The following TRIO variants were observed in gnomAD, a reference collection of about 807,000 sequenced individuals.
The protein encoded by TRIO is triple functional domain protein.
Under a neutral mutation model 351.9 loss-of-function variants are expected in TRIO, and 58 were observed. The observed-to-expected ratio is 0.16, with a 90% CI of 0.13 to 0.21. TRIO has a LOEUF of 0.21. TRIO is among the 10% of genes least tolerant of loss of function. TRIO has a pLI of 1.00. For synonymous variants in TRIO, 1,758 were observed against 1,595.7 expected (o/e 1.10, Z -2.42); for missense variants, 3,201 against 4,027.8 (o/e 0.79, Z 5.56).
At chr5:14,324,044 A>C (rs1740143234) in intron 9 of TRIO, among the ~76,000 whole-genome samples, 1 of 152,224 alleles carries the variant, frequency 6.6e-6, no homozygotes, top group Non-Finnish European at 1.5e-5. Flanking sequence ...TTGATAGTCC[A>C]GAAAGCTCAG....
At chr5:14,218,659 G>T (rs1398048519) in intron 1 of TRIO, among the ~76,000 whole-genome samples, 1 of 152,232 alleles carries the variant, frequency 6.6e-6, no homozygotes, top group African/African-American at 2.4e-5. Context: ...CAGAGCTGTG[G>T]CTTCTGTGGT....
chr5:14,502,711 T>C lies in TRIO; in HGVS notation c.8411+54T>C, dbSNP rs946261020. 1.4e-5 allele frequency: 21 copies of C among 1,534,586 alleles called. No individual in the cohort carries two copies. In the East Asian group the frequency reaches 4.7e-4, roughly 35 times the overall value. ...GAAAGAGCAGAGCGTGGGGAAGACA[T>C]ACCAGAGAGTGCAGGGATAAAGCTA... On this transcript the variant is annotated intron_variant, in intron 54 of 56. Transcript: ENST00000344204.
In TRIO at chr5:14,497,725, A is replaced by T; in HGVS notation, c.8020-122A>T. ...TGCAGTGAAAATGTGGTCTGTTTTG[A>T]TTGATGCCCAGGCAAGTCAGTTTCT... On this transcript the variant is annotated intron_variant, in intron 50 of 56. Coordinates refer to ENST00000344204, the MANE Select transcript of TRIO (RefSeq NM_007118.4). This position sits in a 1 kb window ranked among gnomAD's most constrained non-coding sequence, Gnocchi z 4.4. 1.5e-6 allele frequency: 2 copies of T among 1,305,878 alleles called. No individual in the cohort carries two copies. The highest frequency in any genetic ancestry group is 4.6e-5 in the East Asian group (2 of 43,422). 80.9% of individuals were successfully genotyped at this position (1,305,878 alleles called of 1,614,324 possible).
chr5:14,188,565 A>G (rs1239670181), intron 1 of TRIO, among the ~76,000 whole-genome samples: 4 of 152,202 alleles, frequency 2.6e-5, no homozygotes, highest in African/African-American at 4.8e-5. Context: ...TATACATACT[A>G]AAGTTATGCA....
chr5:14,452,981 T>C (rs371645696), intron 34 of TRIO, among the ~76,000 whole-genome samples: 9 of 152,318 alleles, frequency 5.9e-5, no homozygotes, highest in African/African-American at 2.2e-4. Context: ...GTCCTGGCAG[T>C]CCCCGTGTTT....
intron 1 of TRIO, among the ~76,000 whole-genome samples, chr5:14,196,422 C>CAAA (rs71597902): frequency 0.18 from 18,267 of 101,274 alleles, 2,012 homozygotes; most frequent in East Asian, 0.36. Flanking sequence ...GACTCCGTCT[C>CAAA]AAAAAAAAAA....
intron 5 of TRIO, among the ~76,000 whole-genome samples, chr5:14,291,744 G>A (rs1442063696): frequency 2.2e-5 from 3 of 138,192 alleles, no homozygotes; most frequent in African/African-American, 5.6e-5. Flanking sequence ...AGCCAAGATC[G>A]TGCCATTGCA....
chr5:14,489,149 G>C (rs1434075719), intron 48 of TRIO: 27 of 654,010 alleles, frequency 4.1e-5, no homozygotes, highest in Admixed American at 2.9e-4. Flanking sequence ...AAAAGGGTCT[G>C]TGTCTCTCTT....
intron 3 of TRIO, among the ~76,000 whole-genome samples, chr5:14,285,383 A>G (rs991600148): frequency 4.6e-5 from 7 of 152,122 alleles, no homozygotes; most frequent in Admixed American, 3.3e-4. Flanking sequence ...GCTGGGCTCT[A>G]ACCATACAGG....
chr5:14,429,012 A>C (rs1313374611), intron 34 of TRIO, among the ~76,000 whole-genome samples: 1 of 152,224 alleles, frequency 6.6e-6, no homozygotes, highest in African/African-American at 2.4e-5. Context: ...TTTGCTACTT[A>C]GTACACAAAC....
At chr5:14,300,325 A>G (rs1479701523) in intron 7 of TRIO, among the ~76,000 whole-genome samples, 1 of 152,250 alleles carries the variant, frequency 6.6e-6, no homozygotes, top group African/African-American at 2.4e-5. Flanking sequence ...ATGGCCTGTC[A>G]CCATGTGTGG....
intron 9 of TRIO, among the ~76,000 whole-genome samples, chr5:14,327,980 C>G: frequency 6.6e-6 from 1 of 152,200 alleles, no homozygotes; most frequent in Middle Eastern, 3.2e-3. Context: ...GTGAATGTAG[C>G]AATACCTTAT....
chr5:14,165,418 G>A (rs149770880), intron 1 of TRIO, among the ~76,000 whole-genome samples: 10 of 152,300 alleles, frequency 6.6e-5, no homozygotes, highest in African/African-American at 2.4e-4. Context: ...TTCCATCCGT[G>A]TTCCTGCAAA....
At chr5:14,337,609 T>C (rs1327728265) in intron 11 of TRIO, among the ~76,000 whole-genome samples, 1 of 152,118 alleles carries the variant, frequency 6.6e-6, no homozygotes, top group Non-Finnish European at 1.5e-5. Context: ...AGAGTAGGAC[T>C]ACTGGGGAAA....
rs145517454 is a variant in TRIO, at chr5:14,482,109, T to C, written c.6466-473T>C. ...AGAACCAGAATCTTCTTTTAAAAAT[T>C]TGACTACGGAGTTAAGGAGGCAGGA... On this transcript the variant is annotated intron_variant, in intron 45 of 56. Coordinates refer to ENST00000344204, the MANE Select transcript of TRIO (RefSeq NM_007118.4). Among the ~76,000 whole-genome samples, 19 of 152,320 alleles carry C rather than the reference T, an allele frequency of 1.2e-4. No individual in the cohort carries two copies. The East Asian group carries it at 3.5e-3, about 28-fold the overall frequency.
In TRIO at chr5:14,275,151, A is replaced by G. The variant is rs922019776; in HGVS notation, c.232+4252A>G. Among the ~76,000 whole-genome samples, 4 of 152,194 alleles carry G rather than the reference A, an allele frequency of 2.6e-5. No individual in the cohort carries two copies. In the East Asian group the frequency reaches 5.8e-4, roughly 22 times the overall value. On this transcript the variant is annotated intron_variant, in intron 2 of 56. Transcript: ENST00000344204. ...TTTCATTTTACTTTTTCAATTATATATTTGTGGATATCTGTTTCATGAATC... is the reference window on the plus strand; with the variant it reads ...TTTCATTTTACTTTTTCAATTATATGTTTGTGGATATCTGTTTCATGAATC...
At chr5:14,315,781 T>C (rs1739333481) in intron 8 of TRIO, among the ~76,000 whole-genome samples, 1 of 152,238 alleles carries the variant, frequency 6.6e-6, no homozygotes. Context: ...AAATACATAA[T>C]GTTTTTCTTT....
At chr5:14,268,594 C>T (rs1368163757) in intron 1 of TRIO, among the ~76,000 whole-genome samples, 2 of 152,182 alleles carry the variant, frequency 1.3e-5, no homozygotes, top group Non-Finnish European at 2.9e-5. Context: ...TGCGTTTTCT[C>T]ATCTGAGCAA....
At chr5:14,356,559 G>C (rs933291928) in intron 11 of TRIO, among the ~76,000 whole-genome samples, 3 of 152,204 alleles carry the variant, frequency 2.0e-5, no homozygotes, top group African/African-American at 7.2e-5. Flanking sequence ...CTTTGGAAAA[G>C]CTTGGCAGTT....
Sources: gnomAD v4.1 joint callset for allele counts (sites outside exome capture counted in the v4.1 genomes callset) on GRCh38, gnomAD v4.1.1 for gene constraint, Gnocchi (gnomAD v3.1) non-coding constraint, MANE v1.5 for transcripts, NCBI Gene and HGNC (gene_info 2026-07-23, HGNC 2026-07-21) for gene names.